CYP2C19: variants seen among roughly 807,000 people sequenced by gnomAD.
CYP2C19 encodes cytochrome P450 family 2 subfamily C member 19.
In CYP2C19, 59 loss-of-function variants were observed where a neutral mutation model predicts 40.9. The ratio of observed to expected loss-of-function variants is 1.44; its 90% CI spans 1.17 to 1.79. CYP2C19 has a LOEUF of 1.79. Among genes scored for constraint, CYP2C19 ranks in the 40% most tolerant of loss-of-function variants. CYP2C19 has a pLI of 0.00. For missense variants in CYP2C19, 754 were observed against 596.9 expected, an observed-to-expected ratio of 1.26 and a Z score of -2.74; for synonymous variants, 253 against 208.7, an observed-to-expected ratio of 1.21 and a Z score of -1.83.
chr10:94,836,941 A>G (rs1302299211), intron 6 of CYP2C19, among the ~76,000 whole-genome samples: 1 of 152,186 alleles, frequency 6.6e-6, no homozygotes, highest in Non-Finnish European at 1.5e-5. Flanking sequence ...GATGGGGGCT[A>G]TCCTTGAACC....
At chr10:94,763,545 C>T (rs985261674) in intron 1 of CYP2C19, among the ~76,000 whole-genome samples, 5 of 152,018 alleles carry the variant, frequency 3.3e-5, no homozygotes, top group Admixed American at 2.6e-4. Context: ...TATGTGAATA[C>T]ACCTCATTGT....
At chr10:94,793,494 T>C (rs531275112) in intron 5 of CYP2C19, among the ~76,000 whole-genome samples, 28 of 152,330 alleles carry the variant, frequency 1.8e-4, no homozygotes, top group South Asian at 4.1e-4. Context: ...TGTGGTTTTA[T>C]CTACCTTTTG....
intron 3 of CYP2C19, 125 bp from the exon 4 acceptor site, chr10:94,780,372 TGC>T: frequency 4.9e-6 from 6 of 1,234,814 alleles, no homozygotes; most frequent in South Asian, 1.6e-5. Flanking sequence ...AACTCTTTTT[TGC>T]TTTTAAGGGA....
intron 6 of CYP2C19, among the ~76,000 whole-genome samples, chr10:94,828,572 G>A (rs542734608): frequency 3.6e-4 from 53 of 148,874 alleles, no homozygotes; most frequent in African/African-American, 1.3e-3. Flanking sequence ...CACGTGAGAT[G>A]GGTTTCCTGA....
intron 1 of CYP2C19, among the ~76,000 whole-genome samples, chr10:94,772,235 G>A (rs987240771): frequency 1.3e-5 from 2 of 152,240 alleles, no homozygotes; most frequent in African/African-American, 2.4e-5. Flanking sequence ...AATAGTTTTT[G>A]TTAGGCCTGC....
chr10:94,790,921 G>A (rs2134245733), intron 5 of CYP2C19, among the ~76,000 whole-genome samples: 1 of 152,194 alleles, frequency 6.6e-6, no homozygotes. Context: ...TCTATTGATT[G>A]GAATAGTTTC....
intron 5 of CYP2C19, among the ~76,000 whole-genome samples, chr10:94,820,195 T>C (rs1403439976): frequency 6.6e-6 from 1 of 151,938 alleles, no homozygotes; most frequent in Non-Finnish European, 1.5e-5. Flanking sequence ...CAACAACCCT[T>C]CATGCTAAAA....
chr10:94,795,021 A>G (rs1269542036), intron 5 of CYP2C19, among the ~76,000 whole-genome samples: 2 of 151,784 alleles, frequency 1.3e-5, no homozygotes, highest in African/African-American at 4.8e-5. Context: ...ATATATTTTT[A>G]TACTTTAAGT....
intron 6 of CYP2C19, among the ~76,000 whole-genome samples, chr10:94,834,263 C>G (rs528042548): frequency 5.9e-5 from 9 of 152,126 alleles, no homozygotes; most frequent in Non-Finnish European, 1.2e-4. Flanking sequence ...TCCATTTCTT[C>G]TAGATTTTCC....
At chr10:94,811,516 A>C (rs1479574816) in intron 5 of CYP2C19, among the ~76,000 whole-genome samples, 1 of 152,072 alleles carries the variant, frequency 6.6e-6, no homozygotes, top group Non-Finnish European at 1.5e-5. Flanking sequence ...GTGGGAGCCT[A>C]AGCCTCTTTG....
At chr10:94,814,401 C>T (rs1449509546) in intron 5 of CYP2C19, among the ~76,000 whole-genome samples, 1 of 151,894 alleles carries the variant, frequency 6.6e-6, no homozygotes, top group Non-Finnish European at 1.5e-5. Flanking sequence ...GAATTTATGT[C>T]TATGCATGTG....
chr10:94,853,984 G>T lies in CYP2C19; in HGVS notation c.*1070G>T, dbSNP rs561101082. 2.0e-4 allele frequency among the ~76,000 whole-genome samples: 30 copies of T among 151,766 alleles called. No individual in the cohort carries two copies. Among genetic ancestry groups the T allele is most frequent in the Non-Finnish European group, 4.1e-4 (28 of 67,952 alleles). On this transcript the variant is annotated 3_prime_UTR_variant, in exon 9 of 9. Transcript: ENST00000371321. Reference sequence around the variant, plus strand: ...TATTGCTGCTCATGTGTTTTGTCATGCTTCTCTCTTCAAACATGAACAAAA... The same window carrying T: ...TATTGCTGCTCATGTGTTTTGTCATTCTTCTCTCTTCAAACATGAACAAAA...
intron 1 of CYP2C19, among the ~76,000 whole-genome samples, chr10:94,773,513 G>A (rs1328812822): frequency 2.6e-5 from 4 of 152,186 alleles, no homozygotes; most frequent in Non-Finnish European, 5.9e-5. Context: ...GACTTCAGGA[G>A]TGAAGCCACA....
chr10:94,834,180 T>C (rs1849367748), intron 6 of CYP2C19, among the ~76,000 whole-genome samples: 1 of 152,166 alleles, frequency 6.6e-6, no homozygotes, highest in Admixed American at 6.5e-5. Flanking sequence ...ATCTTGGTAC[T>C]GGTCATTGCA....
rs566018171 is a variant in CYP2C19 at position 94,800,759 on chromosome 10, G to A, written c.819+18762G>A. ...CCTTCCCCCACCTGGCTGCAGCCGC[G>A]CAAGTTGATCTTAGACTGCTGTGCT... On this transcript the variant is annotated intron_variant, in intron 5 of 8. Coordinates refer to ENST00000371321, the MANE Select transcript of CYP2C19 (RefSeq NM_000769.4). Among the ~76,000 whole-genome samples the A allele has an allele frequency of 5.9e-5, 9 of 152,286 alleles. No homozygotes were observed. The South Asian group carries it at 1.2e-3, about 21-fold the overall frequency.
chr10:94,824,210 T>C (rs1849174915), intron 6 of CYP2C19, among the ~76,000 whole-genome samples: 1 of 152,160 alleles, frequency 6.6e-6, no homozygotes, highest in African/African-American at 2.4e-5. Context: ...ACTGATATCA[T>C]AAAAATTGTC....
chr10:94,788,516 A>C (rs959326492), intron 5 of CYP2C19, among the ~76,000 whole-genome samples: 8 of 152,014 alleles, frequency 5.3e-5, no homozygotes, highest in African/African-American at 1.9e-4. Flanking sequence ...CACCTACATG[A>C]GGTATTTCTC....
intron 1 of CYP2C19, among the ~76,000 whole-genome samples, chr10:94,765,057 G>C (rs980886633): frequency 1.3e-5 from 2 of 152,148 alleles, no homozygotes; most frequent in Admixed American, 1.3e-4. Flanking sequence ...GTTTTGGAGA[G>C]TCACTGTTGC....
At chr10:94,848,461 T>A (rs1190384194) in intron 7 of CYP2C19, among the ~76,000 whole-genome samples, 4 of 152,224 alleles carry the variant, frequency 2.6e-5, no homozygotes, top group Non-Finnish European at 4.4e-5. Flanking sequence ...ACCAGTACCA[T>A]GCTGTTTTGG....
Sources: allele counts gnomAD v4.1 joint callset (sites outside exome capture counted in the v4.1 genomes callset), GRCh38; gene constraint gnomAD v4.1.1; transcripts MANE v1.5; gene names NCBI Gene and HGNC (gene_info 2026-07-23, HGNC 2026-07-21).